WFS1: variants seen among roughly 807,000 people sequenced by gnomAD.
WFS1 encodes wolframin.
A neutral mutation model predicts 68.5 loss-of-function variants in WFS1; 90 were observed. The observed-to-expected ratio is 1.31, with a 90% CI of 1.11 to 1.56. The LOEUF (loss-of-function observed/expected upper bound fraction) is 1.56, where lower values mean the gene tolerates loss of function less well. WFS1 is among the 40% of genes most tolerant of loss of function. WFS1 has a pLI of 0.00. For missense variants in WFS1, 1,767 were observed against 1,232.6 expected, an observed-to-expected ratio of 1.43 and a Z score of -6.49; for synonymous variants, 860 against 540.7, an observed-to-expected ratio of 1.59 and a Z score of -8.19.
intron 7 of WFS1, 109 bp from the exon 8 acceptor site, chr4:6,300,548 A>G: frequency 6.6e-7 from 1 of 1,523,458 alleles, no homozygotes; most frequent in Non-Finnish European, 8.9e-7. Context: ...GGAAAACGCA[A>G]GGGTGCGGGT....
At chr4:6,276,380 A>G (rs961313991) in intron 1 of WFS1, among the ~76,000 whole-genome samples, 1 of 152,216 alleles carries the variant, frequency 6.6e-6, no homozygotes, top group Non-Finnish European at 1.5e-5. Flanking sequence ...GTTGAATAAA[A>G]TAAAGCCCTT....
At chr4:6,284,207 T>C (rs1433157553) in intron 2 of WFS1, among the ~76,000 whole-genome samples, 3 of 152,000 alleles carry the variant, frequency 2.0e-5, no homozygotes, top group East Asian at 1.9e-4. Flanking sequence ...CTGTCTCTAC[T>C]AAAAATACAA....
At chr4:6,288,618 A>C in intron 3 of WFS1, 1 of 348,752 alleles carries the variant, frequency 2.9e-6, no homozygotes, top group East Asian at 6.9e-5. Flanking sequence ...CTGGCTTTCT[A>C]TGGTCCCCTG....
At chr4:6,282,097 C>T (rs76026659) in intron 2 of WFS1, among the ~76,000 whole-genome samples, 2,514 of 152,308 alleles carry the variant, frequency 0.017, 57 homozygotes, top group African/African-American at 0.057. Context: ...CCCTCGGCTA[C>T]GCAGGGCCTG....
chr4:6,301,638 A>G lies in WFS1; in HGVS notation c.1843A>G (p.Lys615Glu). 2 of 1,613,998 alleles carry G rather than the reference A, an allele frequency of 1.2e-6. No homozygotes were observed. The highest frequency in any genetic ancestry group is 1.1e-5 in the South Asian group (1 of 91,070). ...SVPLLLRWWTKASFSVVGMVK... is the reference protein window; with the variant it reads ...SVPLLLRWWTEASFSVVGMVK... ...GCCCCTGCTGTTGCGCTGGTGGACC[A>G]AGGCCAGCTTCTCTGTGGTGGGGAT... Residue 615 changes from lysine (K) to glutamate (E), a missense_variant, in exon 8 of 8, where the codon AAG becomes GAG. Physicochemically the swap from Lys to Glu is moderately conservative, Grantham distance 56. Transcript: ENST00000226760.
At chr4:6,277,049 GGTGGGCACATGAT>G (rs1462047481) in intron 1 of WFS1, among the ~76,000 whole-genome samples, 1 of 152,252 alleles carries the variant, frequency 6.6e-6, no homozygotes, top group African/African-American at 2.4e-5. Flanking sequence ...CACAGACATT[GGTGGGCACATGAT>G]GTGGGGCCCA....
At chr4:6,294,027 G>C (rs1730552933) in intron 6 of WFS1, among the ~76,000 whole-genome samples, 1 of 152,138 alleles carries the variant, frequency 6.6e-6, no homozygotes, top group Non-Finnish European at 1.5e-5. Context: ...AGCTACACCT[G>C]GGTGCTGCCC....
chr4:6,286,289 G>C (rs1315514609), intron 2 of WFS1, among the ~76,000 whole-genome samples: 4 of 152,166 alleles, frequency 2.6e-5, no homozygotes, highest in Non-Finnish European at 5.9e-5. Context: ...TGGAGGTGAT[G>C]AATCATGAGC....
chr4:6,301,828 G>A lies in WFS1; in HGVS notation c.2033G>A (p.Trp678Ter). 10 of 1,613,218 alleles carry A rather than the reference G, an allele frequency of 6.2e-6. No homozygotes were observed. The highest frequency in any genetic ancestry group is 1.1e-5 in the South Asian group (1 of 91,086). The change falls in exon 8 of 8, where the codon TGG (tryptophan) becomes TAG (stop). Residue 678 changes from tryptophan (W) to a stop codon, truncating the protein, a stop_gained. Coordinates refer to ENST00000226760, the MANE Select transcript of WFS1 (RefSeq NM_006005.3). LOFTEE classifies it high-confidence loss of function. ...GGTGCGCTGTGCGGGCCACGCGCCT[G>A]GAAGGAGACCAACATGGCGCGCACC... is the stretch of plus-strand genomic sequence containing the variant. ...QYGALCGPRAWKETNMARTQI... is the reference protein window; with the variant it reads ...QYGALCGPRA
chr4:6,294,640 C>T (rs1051730207), intron 6 of WFS1: 9 of 325,854 alleles, frequency 2.8e-5, no homozygotes, highest in African/African-American at 1.9e-4. Context: ...CGGCTTGTCA[C>T]CCGTGCTGTG....
At position 6,287,579 on chromosome 4, in the gene WFS1, C is replaced by T. The variant is rs944090530; in HGVS notation, c.315+404C>T. Among the ~76,000 whole-genome samples, 1 of 152,228 alleles carries T rather than the reference C, an allele frequency of 6.6e-6. No homozygotes were observed. Among genetic ancestry groups the T allele is most frequent in the Non-Finnish European group, 1.5e-5 (1 of 68,048 alleles). ...TGCACGGGGCCCTCAGAGCGGTGAC[C>T]ATTCACTTGGGCATCAGCCAAGGGC... is the stretch of plus-strand genomic sequence containing the variant. On this transcript the variant is annotated intron_variant, in intron 3 of 7. Transcript: ENST00000226760. The surrounding 1 kb of genome is among the most constrained non-coding windows in gnomAD (Gnocchi z 6.4).
In WFS1 at chr4:6,291,371, C is replaced by G. The variant is rs377209257; in HGVS notation, c.631+4C>G. 1.9e-6 allele frequency: 3 copies of G among 1,611,684 alleles called. No individual in the cohort carries two copies. The highest frequency in any genetic ancestry group is 2.5e-6 in the Non-Finnish European group (3 of 1,179,974). ...GTCGGCCAGGTCAACGAGCACGGTGCGAGGATTCACCCTGGGCACCAGCCT... is the reference window on the plus strand; with the variant it reads ...GTCGGCCAGGTCAACGAGCACGGTGGGAGGATTCACCCTGGGCACCAGCCT... On this transcript the variant is annotated splice_donor_region_variant and intron_variant, in intron 5 of 7. Transcript: ENST00000226760.
chr4:6,295,346 C>T (rs564217902), intron 7 of WFS1, among the ~76,000 whole-genome samples, 157 bp downstream of exon 7: 17 of 152,164 alleles, frequency 1.1e-4, no homozygotes, highest in Non-Finnish European at 2.2e-4. Context: ...CATCATCTAT[C>T]GTCATAAGGA....
chr4:6,300,518 C>G (rs1423788305), intron 7 of WFS1, 139 bp from the exon 8 acceptor site: 2 of 1,330,996 alleles, frequency 1.5e-6, no homozygotes, highest in African/African-American at 1.5e-5. Context: ...GGGAGGACCA[C>G]TAGGATGGGG....
chr4:6,276,660 T>G (rs1373218804), intron 1 of WFS1, among the ~76,000 whole-genome samples: 1 of 152,236 alleles, frequency 6.6e-6, no homozygotes, highest in African/African-American at 2.4e-5. Flanking sequence ...TCATATTTAC[T>G]TAACTTTACT....
rs2109125928 is a variant in WFS1, at chr4:6,301,239, A to C, written c.1444A>C (p.Lys482Gln). The C allele has an allele frequency of 4.3e-6, 7 of 1,611,510 alleles. No homozygotes were observed. Reference protein sequence around the residue: ...PSMPLNWPYLKVLGQTFITVP... With the variant: ...PSMPLNWPYLQVLGQTFITVP... ...CATGCCCTTGAATTGGCCCTACCTG[A>C]AGGTCCTTGGCCAGACCTTCATCAC... The change falls in exon 8 of 8, where the codon AAG becomes CAG. Residue 482 changes from lysine (K) to glutamine (Q), a missense_variant. Transcript: ENST00000226760.
intron 7 of WFS1, among the ~76,000 whole-genome samples, chr4:6,298,152 C>A (rs1377116803): frequency 1.3e-5 from 2 of 152,198 alleles, no homozygotes; most frequent in Non-Finnish European, 2.9e-5. Flanking sequence ...GCGGGCCAGG[C>A]CACCTTTAGT....
chr4:6,291,680 C>T (rs1007873895), intron 5 of WFS1, among the ~76,000 whole-genome samples: 5 of 152,356 alleles, frequency 3.3e-5, no homozygotes, highest in African/African-American at 7.2e-5. Flanking sequence ...ACCAATGGGA[C>T]GGACTGTGTC....
chr4:6,273,422 G>A (rs1729894061), intron 1 of WFS1, among the ~76,000 whole-genome samples: 1 of 152,232 alleles, frequency 6.6e-6, no homozygotes, highest in Non-Finnish European at 1.5e-5. Context: ...GGGGCTGAGT[G>A]CCCCACCGTG....
Sources: gnomAD v4.1 joint callset for allele counts (sites outside exome capture counted in the v4.1 genomes callset) on GRCh38, gnomAD v4.1.1 for gene constraint, Gnocchi (gnomAD v3.1) non-coding constraint, MANE v1.5 for transcripts, NCBI Gene and HGNC (gene_info 2026-07-23, HGNC 2026-07-21) for gene names.